The following PLPP1 variants were observed in gnomAD, a reference collection of about 807,000 sequenced individuals.
The protein encoded by PLPP1 is lipid phosphate phosphohydrolase 1a.
In PLPP1, 24 loss-of-function variants were observed where a neutral mutation model predicts 31.2. That is an observed-to-expected ratio of 0.77 (90% confidence interval 0.56 to 1.08). The LOEUF (loss-of-function observed/expected upper bound fraction) is 1.08. Ranked by LOEUF, PLPP1 falls within the 50% of genes least tolerant of loss-of-function variation. PLPP1 has a pLI of 0.00. For missense variants in PLPP1, 319 were observed against 342.7 expected (o/e 0.93, Z 0.55); for synonymous variants, 146 against 126.3 (o/e 1.16, Z -1.05).
At chr5:55,491,920 C>T (rs533723987) in intron 1 of PLPP1, among the ~76,000 whole-genome samples, 1 of 147,182 alleles carries the variant, frequency 6.8e-6, no homozygotes, top group African/African-American at 2.5e-5. Context: ...ATGATAAAAC[C>T]ACAAGTATAT....
In PLPP1 at chr5:55,455,614, C is replaced by T. The variant is rs747058145; in HGVS notation, c.491+12255G>A. 2.0e-5 allele frequency among the ~76,000 whole-genome samples: 3 copies of T among 152,290 alleles called. No homozygotes were observed. The South Asian group carries it at 6.2e-4, about 32-fold the overall frequency. ...CCAGGCCAGGCTACAGAGCAAGACC[C>T]TGTCTTAATTTTTTAAAAATAACAA... On this transcript the variant is annotated intron_variant, in intron 3 of 5. Coordinates refer to ENST00000307259, the MANE Select transcript of PLPP1 (RefSeq NM_003711.4).
chr5:55,452,739 A>C (rs1348262473), intron 3 of PLPP1, among the ~76,000 whole-genome samples: 1 of 152,192 alleles, frequency 6.6e-6, no homozygotes, highest in East Asian at 1.9e-4. Flanking sequence ...TTAACATATC[A>C]ATCATAGCCC....
chr5:55,429,847 T>A (rs1353501851), intron 4 of PLPP1, among the ~76,000 whole-genome samples: 5 of 151,996 alleles, frequency 3.3e-5, no homozygotes, highest in South Asian at 2.1e-4. Flanking sequence ...GCAGATACCA[T>A]CTGGGGCCAA....
intron 3 of PLPP1, among the ~76,000 whole-genome samples, chr5:55,443,904 A>C (rs1751691675): frequency 6.6e-6 from 1 of 152,226 alleles, no homozygotes; most frequent in African/African-American, 2.4e-5. Flanking sequence ...TCTATTAAGC[A>C]AACAGAATAA....
chr5:55,534,606 C>A lies in PLPP1; in HGVS notation c.24G>T (p.Pro8=), dbSNP rs1378675017. MFDKTRL[P]YVALDVLCVL... is the part of the protein sequence containing the mutation. ...CGCAGAGCACATCGAGGGCCACGTA[C>A]GGCAGCCGCGTCTTGTCAAACATGG... The change falls in exon 1 of 6, where the codon CCG becomes CCT. Residue 8 remains proline, a synonymous_variant. Coordinates refer to ENST00000307259, the MANE Select transcript of PLPP1 (RefSeq NM_003711.4). 6.4e-7 allele frequency: 1 copy of A among 1,557,682 alleles called. No homozygotes were observed. Among genetic ancestry groups the A allele is most frequent in the Non-Finnish European group, 8.7e-7 (1 of 1,153,804 alleles).
At position 55,493,795 on chromosome 5, in the gene PLPP1, A is replaced by G. The variant is rs536391096; in HGVS notation, c.59-18345T>C. Among the ~76,000 whole-genome samples the G allele has an allele frequency of 2.0e-5, 3 of 151,364 alleles. No homozygotes were observed. In the East Asian group the frequency reaches 5.8e-4, roughly 29 times the overall value. ...CTTGGAAGGCTGAGGCAGGAGAATCACTTGAACCTGGGAGGCAGAGATTGC... is the reference window on the plus strand; with the variant it reads ...CTTGGAAGGCTGAGGCAGGAGAATCGCTTGAACCTGGGAGGCAGAGATTGC... On this transcript the variant is annotated intron_variant, in intron 1 of 5. Transcript: ENST00000307259.
intron 1 of PLPP1, among the ~76,000 whole-genome samples, chr5:55,492,678 G>A (rs983298964): frequency 5.9e-5 from 9 of 152,182 alleles, no homozygotes; most frequent in African/African-American, 1.7e-4. Context: ...CAAGGTACAC[G>A]CATTTTGTAG....
chr5:55,425,370 C>CAAA, intron 5 of PLPP1, 36 bp from the exon 6 acceptor site: 1 of 1,535,636 alleles, frequency 6.5e-7, no homozygotes, highest in Non-Finnish European at 8.9e-7. Flanking sequence ...TAATTTAGAT[C>CAAA]AAGTTAAAAA....
At chr5:55,478,684 G>A (rs1450908179) in intron 1 of PLPP1, among the ~76,000 whole-genome samples, 2 of 152,102 alleles carry the variant, frequency 1.3e-5, no homozygotes, top group Non-Finnish European at 2.9e-5. Flanking sequence ...AGACATGAGT[G>A]GGGTAAGGGC....
chr5:55,450,864 A>C (rs956728289), intron 3 of PLPP1, among the ~76,000 whole-genome samples: 3 of 152,220 alleles, frequency 2.0e-5, no homozygotes, highest in Non-Finnish European at 4.4e-5. Context: ...CTGAACAAGA[A>C]GACTCCCTTG....
chr5:55,516,260 T>A (rs560445486), intron 1 of PLPP1, among the ~76,000 whole-genome samples: 9 of 152,154 alleles, frequency 5.9e-5, no homozygotes, highest in African/African-American at 2.2e-4. Context: ...CTGCCTCACT[T>A]GGACTGTTAC....
chr5:55,488,411 C>T (rs1341457324), intron 1 of PLPP1, among the ~76,000 whole-genome samples: 4 of 151,838 alleles, frequency 2.6e-5, no homozygotes, highest in African/African-American at 4.8e-5. Context: ...TTTGGGAGGC[C>T]GAGGCAGGTG....
chr5:55,472,017 G>A (rs530728630), intron 2 of PLPP1, among the ~76,000 whole-genome samples: 23 of 152,276 alleles, frequency 1.5e-4, no homozygotes, highest in Non-Finnish European at 2.4e-4. Flanking sequence ...AGCTCCTCAG[G>A]TGGCTGAAGC....
At chr5:55,505,260 A>G (rs920627499) in intron 1 of PLPP1, among the ~76,000 whole-genome samples, 2 of 152,114 alleles carry the variant, frequency 1.3e-5, no homozygotes, top group African/African-American at 4.8e-5. Context: ...AGTATTATTT[A>G]CACTTATTGG....
At chr5:55,489,310 G>A (rs1452683457) in intron 1 of PLPP1, among the ~76,000 whole-genome samples, 1 of 152,174 alleles carries the variant, frequency 6.6e-6, no homozygotes, top group Non-Finnish European at 1.5e-5. Flanking sequence ...GGCAACAGTT[G>A]CTCAGAATCA....
chr5:55,473,297 A>G (rs1421872532), intron 2 of PLPP1, among the ~76,000 whole-genome samples: 1 of 152,192 alleles, frequency 6.6e-6, no homozygotes, highest in Admixed American at 6.5e-5. Context: ...ATTACTGCGT[A>G]ATTACTCTAT....
chr5:55,446,146 T>G (rs1405383448), intron 3 of PLPP1, among the ~76,000 whole-genome samples: 2 of 152,186 alleles, frequency 1.3e-5, no homozygotes, highest in Non-Finnish European at 2.9e-5. Flanking sequence ...CTCACCAATT[T>G]GTAGAAGTCC....
intron 1 of PLPP1, chr5:55,530,631 C>CT (rs1343592837): frequency 6.3e-7 from 1 of 1,583,494 alleles, no homozygotes; most frequent in Non-Finnish European, 8.7e-7. Flanking sequence ...TTTTGCACAG[C>CT]ATCTGCAGCT....
chr5:55,503,914 G>GA (rs1753203667), intron 1 of PLPP1, among the ~76,000 whole-genome samples: 1 of 14,176 alleles, frequency 7.1e-5, no homozygotes, highest in Admixed American at 7.5e-4. Context: ...GGGGAGGAAG[G>GA]GGGGGGAGGA....
Sources: gnomAD v4.1 joint callset for allele counts (sites outside exome capture counted in the v4.1 genomes callset) on GRCh38, gnomAD v4.1.1 for gene constraint, MANE v1.5 for transcripts, NCBI Gene and HGNC (gene_info 2026-07-23, HGNC 2026-07-21) for gene names.